The following RGL1 variants were observed in gnomAD, a reference collection of about 807,000 sequenced individuals.
The protein encoded by RGL1 is ral guanine nucleotide dissociation stimulator like 1, also known as ral guanine nucleotide dissociation stimulator-like 1.
In RGL1, 24 loss-of-function variants were observed where a neutral mutation model predicts 95.2. The ratio of observed to expected loss-of-function variants is 0.25; its 90% CI spans 0.18 to 0.35. The LOEUF is 0.35. Ranked by LOEUF, RGL1 falls within the 10% of genes least tolerant of loss-of-function variation. The pLI is 1.00. For synonymous variants in RGL1, 329 were observed against 344.9 expected, an observed-to-expected ratio of 0.95 and a Z score of 0.51; for missense variants, 715 against 936.3, an observed-to-expected ratio of 0.76 and a Z score of 3.08.
At chr1:183,713,830 T>A (rs961681301) in intron 1 of RGL1, among the ~76,000 whole-genome samples, 11 of 152,212 alleles carry the variant, frequency 7.2e-5, no homozygotes, top group Non-Finnish European at 1.5e-4. Context: ...ACCATGAATC[T>A]AGAGATATTT....
intron 2 of RGL1, among the ~76,000 whole-genome samples, chr1:183,815,760 G>A (rs1662040530): frequency 6.6e-6 from 1 of 152,120 alleles, no homozygotes; most frequent in Admixed American, 6.5e-5. Context: ...CTTCCTGATG[G>A]AATGACTGTC....
intron 2 of RGL1, among the ~76,000 whole-genome samples, chr1:183,779,958 C>T (rs565673009): frequency 1.3e-5 from 2 of 152,234 alleles, no homozygotes; most frequent in South Asian, 2.1e-4. Context: ...AAATCAGTAT[C>T]TAATTAGCAT....
In RGL1 at chr1:183,824,536, C is replaced by G. The variant is rs188918625; in HGVS notation, c.138+18051C>G. 2.1e-3 allele frequency among the ~76,000 whole-genome samples: 320 copies of G among 152,316 alleles called. 2 individuals are homozygous for G. The highest frequency in any genetic ancestry group is 7.3e-3 in the African/African-American group (304 of 41,556). ...TTGTTATCAGTTAACATTACCCCACCTATCAGCAACCACTGCCTTCCTATT... is the reference window on the plus strand; with the variant it reads ...TTGTTATCAGTTAACATTACCCCACGTATCAGCAACCACTGCCTTCCTATT... On this transcript the variant is annotated intron_variant, in intron 2 of 17. Transcript: ENST00000360851.
chr1:183,775,813 G>C (rs1659561706), intron 2 of RGL1, among the ~76,000 whole-genome samples: 1 of 152,200 alleles, frequency 6.6e-6, no homozygotes, highest in Non-Finnish European at 1.5e-5. Flanking sequence ...AAAACCACTT[G>C]AGATTTGGCT....
intron 2 of RGL1, among the ~76,000 whole-genome samples, chr1:183,766,773 A>G (rs1157712016): frequency 2.0e-5 from 3 of 152,060 alleles, no homozygotes; most frequent in Non-Finnish European, 4.4e-5. Context: ...CCAAGTTTAA[A>G]AGGCTGGTGT....
intron 2 of RGL1, among the ~76,000 whole-genome samples, chr1:183,840,800 G>A (rs755553854): frequency 6.6e-6 from 1 of 152,130 alleles, no homozygotes; most frequent in African/African-American, 2.4e-5. Flanking sequence ...GCTGAGGTGG[G>A]AGGAATGCTT....
chr1:183,925,147 C>T (rs1669545056), intron 17 of RGL1, among the ~76,000 whole-genome samples: 2 of 152,120 alleles, frequency 1.3e-5, no homozygotes, highest in African/African-American at 4.8e-5. Flanking sequence ...GGGATATTTG[C>T]TGCAATATTT....
chr1:183,733,101 T>G (rs1656726875), intron 1 of RGL1, among the ~76,000 whole-genome samples: 1 of 151,988 alleles, frequency 6.6e-6, no homozygotes, highest in African/African-American at 2.4e-5. Flanking sequence ...GAGCTCTGAG[T>G]AAGAGGAAAA....
At chr1:183,701,222 G>C (rs1654580154) in intron 1 of RGL1, among the ~76,000 whole-genome samples, 1 of 152,194 alleles carries the variant, frequency 6.6e-6, no homozygotes, top group South Asian at 2.1e-4. Flanking sequence ...TGGTTTTGGG[G>C]AATAACAATC....
intron 2 of RGL1, among the ~76,000 whole-genome samples, chr1:183,813,958 C>T (rs910416302): frequency 6.6e-6 from 1 of 152,160 alleles, no homozygotes; most frequent in Non-Finnish European, 1.5e-5. Context: ...ATTTGGTTCA[C>T]CTTATAATGT....
At chr1:183,725,357 G>A (rs1378885362) in intron 1 of RGL1, among the ~76,000 whole-genome samples, 1 of 152,116 alleles carries the variant, frequency 6.6e-6, no homozygotes, top group African/African-American at 2.4e-5. Flanking sequence ...TGTCTTGGGA[G>A]GCCTCAGGAA....
At chr1:183,853,105 G>A (rs749935576) in intron 3 of RGL1, among the ~76,000 whole-genome samples, 4 of 152,172 alleles carry the variant, frequency 2.6e-5, no homozygotes, top group African/African-American at 9.7e-5. Flanking sequence ...GGAGGCCGAG[G>A]TGGGCGGTTC....
intron 4 of RGL1, among the ~76,000 whole-genome samples, chr1:183,868,373 G>A (rs2102600517): frequency 6.6e-6 from 1 of 152,160 alleles, no homozygotes; most frequent in South Asian, 2.1e-4. Context: ...TTATAGGAGG[G>A]AAACAATATA....
chr1:183,682,675 T>G (rs1375693376), intron 1 of RGL1, among the ~76,000 whole-genome samples: 1 of 152,214 alleles, frequency 6.6e-6, no homozygotes, highest in African/African-American at 2.4e-5. Flanking sequence ...TGTAGACGTC[T>G]ATTAGATGTG....
intron 1 of RGL1, among the ~76,000 whole-genome samples, chr1:183,709,084 C>T (rs2102167689): frequency 6.6e-6 from 1 of 152,300 alleles, no homozygotes; most frequent in East Asian, 1.9e-4. Context: ...ACAGGAAGTG[C>T]CTCAGTCTGA....
At chr1:183,875,701 C>A (rs1490055551) in intron 4 of RGL1, among the ~76,000 whole-genome samples, 2 of 151,564 alleles carry the variant, frequency 1.3e-5, no homozygotes, top group Non-Finnish European at 2.9e-5. Context: ...CATGGTGAAA[C>A]CTGGTCTCTA....
intron 3 of RGL1, among the ~76,000 whole-genome samples, chr1:183,855,927 C>G (rs1025490236): frequency 2.0e-5 from 3 of 151,998 alleles, no homozygotes; most frequent in East Asian, 3.9e-4. Context: ...TTTTAGTAAC[C>G]TCCTACAGGG....
intron 2 of RGL1, among the ~76,000 whole-genome samples, chr1:183,764,441 G>C (rs1658862251): frequency 1.3e-5 from 2 of 152,148 alleles, no homozygotes; most frequent in African/African-American, 4.8e-5. Flanking sequence ...GTGGTGATCT[G>C]GTAAGTTTCA....
Position 183,880,619 on chromosome 1 carries a change from A to G in RGL1, c.429A>G (p.Ala143=). 1.2e-6 allele frequency: 2 copies of G among 1,613,466 alleles called. No individual in the cohort carries two copies. The highest frequency in any genetic ancestry group is 1.7e-6 in the Non-Finnish European group (2 of 1,179,744). The change falls in exon 5 of 18, where the codon GCA becomes GCG. Residue 143 remains alanine (A), a synonymous_variant. Transcript: ENST00000360851. ...SSESKMVIRN[A]IASILRAWLD... ...ACTCTCCATTTGTCTTTCTCAGTGC[A>G]ATCGCTTCCATACTAAGGGCCTGGC...
Sources: gnomAD v4.1 joint callset for allele counts (sites outside exome capture counted in the v4.1 genomes callset) on GRCh38, gnomAD v4.1.1 for gene constraint, MANE v1.5 for transcripts, NCBI Gene and HGNC (gene_info 2026-07-23, HGNC 2026-07-21) for gene names.